LY86: variants seen among roughly 807,000 people sequenced by gnomAD.
The protein encoded by LY86 is MD-1, RP105-associated.
A neutral mutation model predicts 17.3 loss-of-function variants in LY86; 20 were observed. That is an observed-to-expected ratio of 1.15 (90% CI 0.81 to 1.68). The LOEUF (loss-of-function observed/expected upper bound fraction) is 1.68, where lower values mean the gene tolerates loss of function less well. Among genes scored for constraint, LY86 ranks in the 40% most tolerant of loss-of-function variants. The probability of loss-of-function intolerance (pLI) is 0.00; values close to 1 mark genes in which losing one functional copy is unlikely to be tolerated. For synonymous variants in LY86, 74 were observed against 70.6 expected, an observed-to-expected ratio of 1.05 and a Z score of -0.24; for missense variants, 200 against 191.9, an observed-to-expected ratio of 1.04 and a Z score of -0.25.
At chr6:6,622,067 G>A (rs1032558690) in intron 1 of LY86, among the ~76,000 whole-genome samples, 2 of 152,114 alleles carry the variant, frequency 1.3e-5, no homozygotes, top group African/African-American at 2.4e-5. Context: ...TAACTGCTAG[G>A]AAAGCTCACC....
Position 6,654,623 on chromosome 6 carries a change from C to A in LY86, c.485C>A (p.Ser162Tyr). The A allele has an allele frequency of 6.2e-7, 1 of 1,614,030 alleles. No homozygotes were observed. The highest frequency in any genetic ancestry group is 8.5e-7 in the Non-Finnish European group (1 of 1,179,886). ...TGTGCCAATGCTACTATCATGTGCT[C>A]CTGACTGTGGCCTGTAGCAAAAATC... Reference protein sequence around the residue: ...VACANATIMCS With the variant: ...VACANATIMCY Residue 162 changes from serine to tyrosine, a missense_variant, in exon 5 of 5, where the codon TCC (serine) becomes TAC (tyrosine). Ser to Tyr is a moderately radical substitution (Grantham distance 144). Coordinates refer to ENST00000230568, the MANE Select transcript of LY86 (RefSeq NM_004271.4).
chr6:6,635,214 T>C (rs1761944425), intron 3 of LY86, among the ~76,000 whole-genome samples: 1 of 152,216 alleles, frequency 6.6e-6, no homozygotes, highest in South Asian at 2.1e-4. Context: ...TAGGGACATG[T>C]TCCAAGACCC....
intron 3 of LY86, among the ~76,000 whole-genome samples, chr6:6,646,920 C>CA (rs988436497): frequency 3.3e-5 from 5 of 151,640 alleles, no homozygotes; most frequent in African/African-American, 4.8e-5. Flanking sequence ...CCACAAACCT[C>CA]AAAAAAAAGC....
chr6:6,643,997 A>T (rs1762076374), intron 3 of LY86, among the ~76,000 whole-genome samples: 1 of 152,280 alleles, frequency 6.6e-6, no homozygotes, highest in South Asian at 2.1e-4. Context: ...TGTTCTGGAT[A>T]TGCCAATTGG....
intron 3 of LY86, among the ~76,000 whole-genome samples, chr6:6,641,739 A>G (rs994425761): frequency 6.6e-5 from 10 of 152,374 alleles, no homozygotes; most frequent in Admixed American, 5.9e-4. Context: ...CATTAGAAAA[A>G]GGGGCACCTT....
intron 1 of LY86, chr6:6,622,788 T>G (rs1397730105): frequency 6.6e-6 from 1 of 152,240 alleles, no homozygotes; most frequent in East Asian, 1.9e-4. Context: ...TGGAAATCAG[T>G]TATGAAACAG....
chr6:6,638,004 G>A (rs945196308), intron 3 of LY86, among the ~76,000 whole-genome samples: 1 of 152,158 alleles, frequency 6.6e-6, no homozygotes, highest in African/African-American at 2.4e-5. Context: ...CTCTCAGAGG[G>A]GGAAGCTGGA....
chr6:6,588,803 T>C lies in LY86; in HGVS notation c.69T>C (p.Gly23=). 1 of 1,613,988 alleles carries C rather than the reference T, an allele frequency of 6.2e-7. No individual in the cohort carries two copies. Among genetic ancestry groups the C allele is most frequent in the Non-Finnish European group, 8.5e-7 (1 of 1,179,962 alleles). The part of the protein sequence containing the change: ...LIFPSCSGGG[G]GKAWPTHVVC... ...TTCCCAGCTGCAGTGGAGGCGGCGG[T>C]GGGAAAGCCTGGCCCACACACGTGG... Residue 23 remains glycine (G), a synonymous_variant, in exon 1 of 5, where the codon GGT becomes GGC. Coordinates refer to ENST00000230568, the MANE Select transcript of LY86 (RefSeq NM_004271.4).
At chr6:6,595,296 GAGGAGA>G (rs1291674503) in intron 1 of LY86, among the ~76,000 whole-genome samples, 7 of 147,714 alleles carry the variant, frequency 4.7e-5, no homozygotes, top group Non-Finnish European at 1.0e-4. Flanking sequence ...TGGGGAAGAA[GAGGAGA>G]AGGAGGAGGA....
chr6:6,649,503 C>CCGTATCATTAA, intron 3 of LY86, 122 bp from the exon 4 acceptor site: 1 of 469,406 alleles, frequency 2.1e-6, no homozygotes. Context: ...ACATTTCTAG[C>CCGTATCATTAA]AATAGCTGCT....
chr6:6,602,160 A>C (rs1760930167), intron 1 of LY86, among the ~76,000 whole-genome samples: 1 of 152,188 alleles, frequency 6.6e-6, no homozygotes, highest in African/African-American at 2.4e-5. Flanking sequence ...AAATGGTGTC[A>C]CCACATGAGT....
chr6:6,610,051 T>C (rs1162306426), intron 1 of LY86, among the ~76,000 whole-genome samples: 2 of 152,074 alleles, frequency 1.3e-5, no homozygotes, highest in Non-Finnish European at 2.9e-5. Flanking sequence ...CCTCCCAAAG[T>C]GTTGGAATTA....
intron 1 of LY86, among the ~76,000 whole-genome samples, chr6:6,623,552 A>G (rs1450614138): frequency 6.6e-6 from 1 of 152,182 alleles, no homozygotes; most frequent in Non-Finnish European, 1.5e-5. Flanking sequence ...CCGAGAGCCC[A>G]GTGAAAAAGC....
At chr6:6,599,443 T>C (rs1016252128) in intron 1 of LY86, among the ~76,000 whole-genome samples, 1 of 152,162 alleles carries the variant, frequency 6.6e-6, no homozygotes, top group Non-Finnish European at 1.5e-5. Context: ...CAGTTCTTAG[T>C]GGCTAGGGAT....
intron 2 of LY86, 126 bp from the exon 3 acceptor site, chr6:6,626,166 GT>G: frequency 1.1e-6 from 1 of 885,914 alleles, no homozygotes; most frequent in Non-Finnish European, 1.7e-6. Flanking sequence ...GAAGAAAACT[GT>G]TCCCCACACA....
At chr6:6,603,809 C>A (rs148639790) in intron 1 of LY86, among the ~76,000 whole-genome samples, 1 of 151,712 alleles carries the variant, frequency 6.6e-6, no homozygotes, top group Non-Finnish European at 1.5e-5. Flanking sequence ...AAGCTACAAC[C>A]TTCTAAGAGT....
At chr6:6,599,646 A>T (rs1760835714) in intron 1 of LY86, among the ~76,000 whole-genome samples, 1 of 152,222 alleles carries the variant, frequency 6.6e-6, no homozygotes, top group South Asian at 2.1e-4. Flanking sequence ...AGGCACAAAG[A>T]GAGGGGTCAG....
At chr6:6,600,451 T>TGTG (rs1760864487) in intron 1 of LY86, among the ~76,000 whole-genome samples, 1 of 150,646 alleles carries the variant, frequency 6.6e-6, no homozygotes, top group Non-Finnish European at 1.5e-5. Flanking sequence ...ATTAGCCAGG[T>TGTG]GTGGTGGTGG....
At chr6:6,614,854 C>T (rs1394537866) in intron 1 of LY86, among the ~76,000 whole-genome samples, 3 of 152,012 alleles carry the variant, frequency 2.0e-5, no homozygotes, top group Non-Finnish European at 4.4e-5. Flanking sequence ...GGTTCCAACT[C>T]CTCAGGACTG....
Sources: gnomAD v4.1 joint callset for allele counts (sites outside exome capture counted in the v4.1 genomes callset) on GRCh38, gnomAD v4.1.1 for gene constraint, MANE v1.5 for transcripts, NCBI Gene and HGNC (gene_info 2026-07-23, HGNC 2026-07-21) for gene names.